The following SDHB variants were observed in gnomAD, a reference collection of about 807,000 sequenced individuals.
SDHB encodes the protein succinate dehydrogenase complex iron sulfur subunit B, also known as succinate dehydrogenase [ubiquinone] iron-sulfur subunit, mitochondrial.
Under a neutral mutation model 39.7 loss-of-function variants are expected in SDHB, and 21 were observed. The ratio of observed to expected loss-of-function variants is 0.53; its 90% CI spans 0.37 to 0.76. SDHB has a LOEUF of 0.76. Ranked by LOEUF, SDHB falls within the 30% of genes least tolerant of loss-of-function variation. SDHB has a pLI of 0.00. For missense variants in SDHB, 343 were observed against 350.9 expected (o/e 0.98, Z 0.18); for synonymous variants, 118 against 117.0 (o/e 1.01, Z -0.06).
chr1:17,022,389 A>G (rs1445129156), intron 7 of SDHB, among the ~76,000 whole-genome samples: 1 of 152,162 alleles, frequency 6.6e-6, no homozygotes, highest in Non-Finnish European at 1.5e-5. Context: ...TGTGTAGCCT[A>G]CAAATAAAGC....
intron 2 of SDHB, among the ~76,000 whole-genome samples, chr1:17,041,928 T>TC (rs1331655083): frequency 1.3e-5 from 2 of 151,900 alleles, no homozygotes; most frequent in African/African-American, 4.8e-5. Flanking sequence ...GATTTTTTTT[T>TC]CTTTTTTTTT....
chr1:17,039,797 C>T (rs1467488624), intron 2 of SDHB, among the ~76,000 whole-genome samples: 5 of 152,104 alleles, frequency 3.3e-5, no homozygotes, highest in Non-Finnish European at 5.9e-5. Flanking sequence ...ATATGCCTTA[C>T]ATCTATGTGA....
chr1:17,022,968 T>TAA (rs751228113), intron 6 of SDHB: 4 of 480,750 alleles, frequency 8.3e-6, no homozygotes, highest in Non-Finnish European at 1.6e-5. Context: ...CCCGGGTGCT[T>TAA]AATTATACAC....
chr1:17,029,382 C>T (rs969900108), intron 3 of SDHB, among the ~76,000 whole-genome samples: 2 of 151,276 alleles, frequency 1.3e-5, no homozygotes, highest in Non-Finnish European at 2.9e-5. Flanking sequence ...CTTGGCCTCC[C>T]GAAGCACTGG....
intron 7 of SDHB, among the ~76,000 whole-genome samples, chr1:17,021,297 G>C (rs2077960994): frequency 6.6e-6 from 1 of 152,330 alleles, no homozygotes; most frequent in African/African-American, 2.4e-5. Flanking sequence ...GATGAGTTTG[G>C]ATTAGTCAGG....
intron 1 of SDHB, among the ~76,000 whole-genome samples, chr1:17,050,160 A>C (rs2101547460): frequency 6.6e-6 from 1 of 152,304 alleles, no homozygotes; most frequent in Middle Eastern, 3.4e-3. Context: ...TCCAAAAGAG[A>C]CTAAGTTTGT....
At chr1:17,051,832 C>T (rs1004915056) in intron 1 of SDHB, among the ~76,000 whole-genome samples, 1 of 151,100 alleles carries the variant, frequency 6.6e-6, no homozygotes, top group African/African-American at 2.4e-5. Flanking sequence ...ACAAGATGCA[C>T]ATTTTTTAAA....
intron 3 of SDHB, among the ~76,000 whole-genome samples, chr1:17,030,260 T>C (rs1163329050): frequency 2.6e-5 from 4 of 152,080 alleles, no homozygotes; most frequent in Non-Finnish European, 5.9e-5. Flanking sequence ...GGTCTCTAAC[T>C]CACGGCCTCA....
At chr1:17,029,545 C>A (rs941988226) in intron 3 of SDHB, among the ~76,000 whole-genome samples, 1 of 152,104 alleles carries the variant, frequency 6.6e-6, no homozygotes, top group African/African-American at 2.4e-5. Context: ...GATTCTCCTG[C>A]CTCAGCCTCC....
Position 17,018,861 on chromosome 1 carries a change from C to T in SDHB, c.*20G>A. 6.4e-7 allele frequency: 1 copy of T among 1,570,040 alleles called. No homozygotes were observed. The highest frequency in any genetic ancestry group is 8.8e-7 in the Non-Finnish European group (1 of 1,140,196). On this transcript the variant is annotated 3_prime_UTR_variant, in exon 8 of 8. Coordinates refer to ENST00000375499, the MANE Select transcript of SDHB (RefSeq NM_003000.3). The stretch of plus-strand genomic sequence containing the variant: ...GTTCAGCTCTGAGCTGGTTATAAAT[C>T]ATGTTTAGCATGGAAACAGTTAAAC...
chr1:17,053,817 C>A, intron 1 of SDHB, 131 bp downstream of exon 1: 1 of 732,782 alleles, frequency 1.4e-6, no homozygotes, highest in Non-Finnish European at 2.5e-6. Flanking sequence ...AAGCACTGCA[C>A]CAGGGGGAGG....
chr1:17,049,647 C>CTTTTTTTTTTTTTT lies in SDHB; in HGVS notation c.72+4287_72+4300dup, dbSNP rs397835910. On this transcript the variant is annotated intron_variant, in intron 1 of 7. Coordinates refer to ENST00000375499, the MANE Select transcript of SDHB (RefSeq NM_003000.3). ...GGGACTGGAGCATAATCCCCTAGTT[C>CTTTTTTTTTTTTTT]TTTTTTTTTTTTTTTTTTTTTTTTT... Among the ~76,000 whole-genome samples the CTTTTTTTTTTTTTT allele has an allele frequency of 1.1e-3, 57 of 52,066 alleles. 10 individuals are homozygous for CTTTTTTTTTTTTTT. The highest frequency in any genetic ancestry group is 2.7e-3 in the African/African-American group (27 of 10,178). 34.2% of individuals were successfully genotyped at this position (52,066 alleles called of 152,430 possible).
intron 7 of SDHB, among the ~76,000 whole-genome samples, 190 bp from the exon 8 acceptor site, chr1:17,019,148 T>C (rs2077947380): frequency 6.6e-6 from 1 of 152,172 alleles, no homozygotes; most frequent in Non-Finnish European, 1.5e-5. Context: ...CATTTGAAGA[T>C]GGTCAGCTCC....
At chr1:17,037,306 C>CTT (rs548300676) in intron 2 of SDHB, among the ~76,000 whole-genome samples, 19 of 145,542 alleles carry the variant, frequency 1.3e-4, no homozygotes, top group African/African-American at 3.5e-4. Flanking sequence ...ATTTTCTTTT[C>CTT]TTTTTTTTTT....
chr1:17,035,881 T>C (rs1388418868), intron 2 of SDHB, among the ~76,000 whole-genome samples: 1 of 151,770 alleles, frequency 6.6e-6, no homozygotes, highest in Non-Finnish European at 1.5e-5. Context: ...AATAAATAGA[T>C]AAATAAATAA....
chr1:17,023,898 A>G, intron 6 of SDHB, 75 bp downstream of exon 6: 1 of 1,130,016 alleles, frequency 8.8e-7, no homozygotes, highest in South Asian at 1.2e-5. Context: ...GCTGGCTTAC[A>G]GCAATCTATT....
chr1:17,019,048 G>C, intron 7 of SDHB, 90 bp from the exon 8 acceptor site: 1 of 999,842 alleles, frequency 1.0e-6, no homozygotes, highest in Non-Finnish European at 1.6e-6. Context: ...TTCCTCAGCT[G>C]GTTCAGTGTC....
chr1:17,023,529 TTTTC>T (rs1348901817), intron 6 of SDHB, among the ~76,000 whole-genome samples: 2 of 152,216 alleles, frequency 1.3e-5, no homozygotes, highest in African/African-American at 4.8e-5. Flanking sequence ...ATCAATACTA[TTTTC>T]TTTCTAAGCA....
chr1:17,036,511 T>C (rs2078050870), intron 2 of SDHB, among the ~76,000 whole-genome samples: 1 of 151,920 alleles, frequency 6.6e-6, no homozygotes, highest in Admixed American at 6.6e-5. Flanking sequence ...TTTTGTCTTA[T>C]TGCCCATATA....
Sources: allele counts gnomAD v4.1 joint callset (sites outside exome capture counted in the v4.1 genomes callset), GRCh38; gene constraint gnomAD v4.1.1; transcripts MANE v1.5; gene names NCBI Gene and HGNC (gene_info 2026-07-23, HGNC 2026-07-21).